Variants in BCL2 observed in about 807,000 individuals in gnomAD.
The protein encoded by BCL2 is apoptosis regulator Bcl-2.
A neutral mutation model predicts 14.2 loss-of-function variants in BCL2; 1 was observed. The ratio of observed to expected loss-of-function variants is 0.07; its 90% confidence interval spans 0.02 to 0.33. The LOEUF is 0.33. BCL2 is among the 10% of genes least tolerant of loss of function. The pLI is 0.99. For synonymous variants in BCL2, 151 were observed against 137.2 expected, an observed-to-expected ratio of 1.10 and a Z score of -0.70; for missense variants, 247 against 305.9, an observed-to-expected ratio of 0.81 and a Z score of 1.44.
intron 2 of BCL2, among the ~76,000 whole-genome samples, chr18:63,284,235 T>C (rs1912400218): frequency 6.6e-6 from 1 of 152,120 alleles, no homozygotes. Flanking sequence ...TCCTGGATGA[T>C]GTTAATGGAA....
chr18:63,302,218 A>G, intron 2 of BCL2: 1 of 492,276 alleles, frequency 2.0e-6, no homozygotes, highest in Non-Finnish European at 2.6e-6. Context: ...CTGTAATCCC[A>G]GCTACTCGGG....
chr18:63,263,846 A>T (rs1003117335), intron 2 of BCL2, among the ~76,000 whole-genome samples: 4 of 152,050 alleles, frequency 2.6e-5, no homozygotes, highest in African/African-American at 9.7e-5. Flanking sequence ...TTTTTTTTAG[A>T]CGGAGTTTCA....
Position 63,237,943 on chromosome 18 carries a change from AT to A in BCL2, c.585+80138del, listed in dbSNP as rs113841323. ...TCAAAAGCGTTCATTCCAGGGTTGGATTTTTTTTTTTTCCTCTTTCTTCTGG... is the reference window on the plus strand; with the variant it reads ...TCAAAAGCGTTCATTCCAGGGTTGGATTTTTTTTTTTCCTCTTTCTTCTGG... On this transcript the variant is annotated intron_variant, in intron 2 of 2. Coordinates refer to ENST00000333681, the MANE Select transcript of BCL2 (RefSeq NM_000633.3). Among the ~76,000 whole-genome samples the A allele has an allele frequency of 3.8e-4, 57 of 148,924 alleles. 1 individual carries two copies. Among genetic ancestry groups the A allele is most frequent in the East Asian group, 1.8e-3 (9 of 5,094 alleles).
At chr18:63,307,889 C>T (rs1228533556) in intron 2 of BCL2, among the ~76,000 whole-genome samples, 2 of 152,226 alleles carry the variant, frequency 1.3e-5, no homozygotes, top group Admixed American at 1.3e-4. Context: ...GACAAATCTA[C>T]AAGCTGACAC....
At chr18:63,203,365 C>T (rs758091580) in intron 2 of BCL2, among the ~76,000 whole-genome samples, 3 of 152,146 alleles carry the variant, frequency 2.0e-5, no homozygotes, top group Admixed American at 6.6e-5. Context: ...ATGTGTAAAA[C>T]AAGAGAAAAC....
intron 2 of BCL2, among the ~76,000 whole-genome samples, chr18:63,254,779 A>G (rs1448810629): frequency 6.6e-6 from 1 of 152,174 alleles, no homozygotes; most frequent in East Asian, 1.9e-4. Flanking sequence ...GGGGTATTAG[A>G]TTTCAACCAA....
intron 2 of BCL2, among the ~76,000 whole-genome samples, chr18:63,262,494 C>G (rs564547849): frequency 6.6e-6 from 1 of 152,142 alleles, no homozygotes; most frequent in East Asian, 1.9e-4. Flanking sequence ...TCCGGAGCAG[C>G]CCTTCTGCAT....
chr18:63,271,903 C>A (rs1431221065), intron 2 of BCL2, among the ~76,000 whole-genome samples: 4 of 152,148 alleles, frequency 2.6e-5, no homozygotes, highest in African/African-American at 4.8e-5. Context: ...GGTTGATGAA[C>A]CCCTGGTATG....
intron 2 of BCL2, among the ~76,000 whole-genome samples, chr18:63,310,716 C>A (rs975005928): frequency 1.3e-5 from 2 of 152,192 alleles, no homozygotes; most frequent in Non-Finnish European, 2.9e-5. Context: ...GATTCTAAAA[C>A]CCCTCTCCAT....
chr18:63,303,364 A>G (rs1308327582), intron 2 of BCL2, among the ~76,000 whole-genome samples: 1 of 152,238 alleles, frequency 6.6e-6, no homozygotes, highest in Non-Finnish European at 1.5e-5. Context: ...GACAGAAAAA[A>G]AAAGTTGTTT....
chr18:63,250,135 AAGG>A (rs1911268782), intron 2 of BCL2, among the ~76,000 whole-genome samples: 1 of 152,174 alleles, frequency 6.6e-6, no homozygotes, highest in African/African-American at 2.4e-5. Flanking sequence ...CTCTCTCGAC[AAGG>A]AGGCCCTCAA....
intron 2 of BCL2, among the ~76,000 whole-genome samples, chr18:63,253,705 A>G (rs1911382565): frequency 6.6e-6 from 1 of 152,204 alleles, no homozygotes; most frequent in African/African-American, 2.4e-5. Flanking sequence ...GCAGGAGTTA[A>G]AAGACTTGTC....
intron 2 of BCL2, among the ~76,000 whole-genome samples, chr18:63,179,237 G>A (rs777286220): frequency 2.6e-5 from 4 of 152,276 alleles, no homozygotes; most frequent in African/African-American, 4.8e-5. Flanking sequence ...TTGGGAATGC[G>A]CTCAGTAAGG....
chr18:63,239,696 C>T (rs531011939), intron 2 of BCL2, among the ~76,000 whole-genome samples: 2 of 151,400 alleles, frequency 1.3e-5, no homozygotes, highest in South Asian at 2.1e-4. Flanking sequence ...GCTGAGATCG[C>T]GCCACTGCAC....
Position 63,319,413 on chromosome 18 carries a change from CAA to C in BCL2, c.-528_-527del, listed in dbSNP as rs1316781499. The C allele has an allele frequency of 4.4e-6, 1 of 227,840 alleles. No individual in the cohort carries two copies. The highest frequency in any genetic ancestry group is 8.7e-6 in the Non-Finnish European group (1 of 114,790). The allele number at this position is 227,840 out of a possible 1,614,324, so 14.1% of individuals were successfully genotyped here. On this transcript the variant is annotated 5_prime_UTR_variant, in exon 1 of 3. Coordinates refer to ENST00000333681, the MANE Select transcript of BCL2 (RefSeq NM_000633.3). ...CCGCAGGAATCCCAACCGGAGATCT[CAA>C]GAGCTCGAGAAAAAAAAAAGGCAGC... is the stretch of plus-strand genomic sequence containing the variant.
intron 2 of BCL2, among the ~76,000 whole-genome samples, chr18:63,266,635 T>TCACACA (rs1291334380): frequency 7.3e-6 from 1 of 136,488 alleles, no homozygotes; most frequent in African/African-American, 2.7e-5. Context: ...TCTCTCTCTC[T>TCACACA]CTCACACACA....
rs1431405404 is a variant in BCL2, at chr18:63,169,399, TTCTTTTTCTTTCTCTCTCTCTCTCTC to T, written c.586-40666_586-40641del. Among the ~76,000 whole-genome samples, 251 of 122,618 alleles carry T rather than the reference TTCTTTTTCTTTCTCTCTCTCTCTCTC, an allele frequency of 2.0e-3. 5 individuals carry two copies. The highest frequency in any genetic ancestry group is 7.4e-3 in the African/African-American group (180 of 24,184). The allele number at this position is 122,618 out of a possible 152,430, so 80.4% of individuals were successfully genotyped here. On this transcript the variant is annotated intron_variant, in intron 2 of 2. Transcript: ENST00000333681. ...TCTTTCTTTCTTTCTTTTTCTTTCT[TTCTTTTTCTTTCTCTCTCTCTCTCTC>T]TCTTTCTTTTTCTTTCTTTCCTTTC...
At chr18:63,130,908 T>G (rs1914049155) in intron 2 of BCL2, among the ~76,000 whole-genome samples, 1 of 152,176 alleles carries the variant, frequency 6.6e-6, no homozygotes, top group Non-Finnish European at 1.5e-5. Context: ...CTCCAACCAA[T>G]GCCACCTTTT....
At chr18:63,309,031 A>C (rs1207890810) in intron 2 of BCL2, among the ~76,000 whole-genome samples, 1 of 152,210 alleles carries the variant, frequency 6.6e-6, no homozygotes, top group Non-Finnish European at 1.5e-5. Context: ...TATTTGGAAC[A>C]ATACTAATTT....
Sources: gnomAD v4.1 joint callset for allele counts (sites outside exome capture counted in the v4.1 genomes callset) on GRCh38, gnomAD v4.1.1 for gene constraint, MANE v1.5 for transcripts, NCBI Gene and HGNC (gene_info 2026-07-23, HGNC 2026-07-21) for gene names.